APAF1: variants seen among roughly 807,000 people sequenced by gnomAD.
APAF1 encodes apoptotic peptidase activating factor 1.
Under a neutral mutation model 152.4 loss-of-function variants are expected in APAF1, and 91 were observed. The ratio of observed to expected loss-of-function variants is 0.60; its 90% CI spans 0.50 to 0.71. The LOEUF is 0.71. APAF1 is among the 30% of genes least tolerant of loss of function. APAF1 has a pLI of 0.00. For synonymous variants in APAF1, 484 were observed against 494.1 expected (o/e 0.98, Z 0.27); for missense variants, 1,283 against 1,472.0 (o/e 0.87, Z 2.10).
intron 7 of APAF1, among the ~76,000 whole-genome samples, chr12:98,664,296 C>T (rs1048044889): frequency 7.2e-5 from 11 of 152,216 alleles, no homozygotes; most frequent in East Asian, 3.9e-4. Flanking sequence ...GGATTACAGG[C>T]GTGAGCCACC....
intron 23 of APAF1, 83 bp downstream of exon 23, chr12:98,723,395 A>G: frequency 6.9e-7 from 1 of 1,456,552 alleles, no homozygotes; most frequent in Non-Finnish European, 9.5e-7. Context: ...AGCCACTGTG[A>G]GGCTAATTAC....
intron 1 of APAF1, 73 bp from the exon 2 acceptor site, chr12:98,648,246 T>G: frequency 1.5e-6 from 2 of 1,341,344 alleles, no homozygotes; most frequent in Non-Finnish European, 2.1e-6. Flanking sequence ...TTACGTTTCT[T>G]GTTTATTAGT....
At chr12:98,719,233 ATTC>A (rs1404433969) in intron 22 of APAF1, among the ~76,000 whole-genome samples, 8 of 152,208 alleles carry the variant, frequency 5.3e-5, no homozygotes, top group Admixed American at 5.2e-4. Flanking sequence ...CTGCCTCCTA[ATTC>A]TTAATACTTA....
At chr12:98,662,623 A>G in intron 6 of APAF1, 52 bp from the exon 7 acceptor site, 5 of 1,606,808 alleles carry the variant, frequency 3.1e-6, no homozygotes, top group Non-Finnish European at 4.3e-6. Context: ...AATTACATTT[A>G]AATATGTGAC....
At chr12:98,684,786 C>T (rs2097696253) in intron 15 of APAF1, among the ~76,000 whole-genome samples, 1 of 151,956 alleles carries the variant, frequency 6.6e-6, no homozygotes, top group Non-Finnish European at 1.5e-5. Context: ...TTTGATGTTG[C>T]TTTTGGCATT....
chr12:98,670,894 A>G lies in APAF1; in HGVS notation c.1495-79A>G, dbSNP rs1004410658. ...CTAGATATTTACTGTTTCTCTTAGCAGTGTGAGGTTAATGATGTTATACCT... is the reference window on the plus strand; with the variant it reads ...CTAGATATTTACTGTTTCTCTTAGCGGTGTGAGGTTAATGATGTTATACCT... On this transcript the variant is annotated intron_variant, in intron 10 of 26. Coordinates refer to ENST00000551964, the MANE Select transcript of APAF1 (RefSeq NM_181861.2). 4 of 789,724 alleles carry G rather than the reference A, an allele frequency of 5.1e-6. No homozygotes were observed. The African/African-American group carries it at 6.8e-5, about 13-fold the overall frequency. The allele number at this position is 789,724 out of a possible 1,614,324, so 48.9% of individuals were successfully genotyped here.
intron 17 of APAF1, among the ~76,000 whole-genome samples, chr12:98,701,607 A>G (rs1246588535): frequency 2.6e-5 from 4 of 152,220 alleles, no homozygotes; most frequent in Non-Finnish European, 5.9e-5. Flanking sequence ...ATGATGTTGA[A>G]CAAAAGATAA....
intron 20 of APAF1, among the ~76,000 whole-genome samples, chr12:98,711,540 C>T (rs2097727938): frequency 6.6e-6 from 1 of 152,144 alleles, no homozygotes; most frequent in Admixed American, 6.5e-5. Context: ...GATTGGTTGA[C>T]TCTGTAATCT....
chr12:98,683,886 G>T (rs1388844573), intron 15 of APAF1, among the ~76,000 whole-genome samples: 1 of 152,184 alleles, frequency 6.6e-6, no homozygotes, highest in Admixed American at 6.5e-5. Context: ...AAAGGTGCTG[G>T]TAGGAAAGAT....
At chr12:98,699,327 G>A (rs1401648498) in intron 16 of APAF1, 81 bp from the exon 17 acceptor site, 1 of 1,360,408 alleles carries the variant, frequency 7.4e-7, no homozygotes, top group Non-Finnish European at 1.0e-6. Context: ...AAGTTTATGT[G>A]GCATTTAATT....
chr12:98,717,290 A>C (rs536109059), intron 22 of APAF1, among the ~76,000 whole-genome samples: 12 of 151,928 alleles, frequency 7.9e-5, no homozygotes, highest in African/African-American at 2.9e-4. Flanking sequence ...AGAATATTTT[A>C]TCTCTCTGAG....
At chr12:98,653,817 G>C (rs1311573673) in intron 4 of APAF1, among the ~76,000 whole-genome samples, 1 of 147,352 alleles carries the variant, frequency 6.8e-6, no homozygotes, top group East Asian at 2.0e-4. Context: ...TAGGGAAATA[G>C]TAAAGAATTG....
chr12:98,699,507 A>G lies in APAF1; in HGVS notation c.2404A>G (p.Lys802Glu). 4 of 1,614,204 alleles carry G rather than the reference A, an allele frequency of 2.5e-6. No homozygotes were observed. Among genetic ancestry groups the G allele is most frequent in the Non-Finnish European group, 2.5e-6 (3 of 1,180,030 alleles). Residue 802 changes from lysine (K) to glutamate (E), a missense_variant, in exon 17 of 27, where the codon AAG becomes GAG. By Grantham distance (56) the Lys-to-Glu change is moderately conservative (BLOSUM62 1). Coordinates refer to ENST00000551964, the MANE Select transcript of APAF1 (RefSeq NM_181861.2). ...DPQEDMEVIVKCCSWSADGAR... is the reference protein window; with the variant it reads ...DPQEDMEVIVECCSWSADGAR... ...TCAAGAGGATATGGAAGTGATAGTG[A>G]AGTGTTGTTCGTGGTCTGCTGATGG... is the stretch of plus-strand genomic sequence containing the variant.
chr12:98,648,867 TTG>T (rs1333916013), intron 3 of APAF1, 52 bp downstream of exon 3: 1 of 1,520,776 alleles, frequency 6.6e-7, no homozygotes, highest in Non-Finnish European at 9.1e-7. Flanking sequence ...TGCTTTGGGT[TTG>T]TCTTATTGTA....
intron 13 of APAF1, among the ~76,000 whole-genome samples, 162 bp from the exon 14 acceptor site, chr12:98,680,115 A>G (rs933506185): frequency 2.0e-5 from 3 of 152,268 alleles, no homozygotes; most frequent in Admixed American, 2.0e-4. Context: ...ATGTGAAGGC[A>G]TACACATTCT....
intron 4 of APAF1, among the ~76,000 whole-genome samples, chr12:98,658,702 G>A (rs907798392): frequency 6.6e-5 from 10 of 152,170 alleles, no homozygotes; most frequent in African/African-American, 2.4e-4. Context: ...GACAATGTTT[G>A]GAGACATTTT....
rs749988551 is a variant in APAF1 at position 98,725,504 on chromosome 12, C to T, written c.3420C>T (p.Thr1140=). The change falls in exon 25 of 27, where the codon ACC becomes ACT. Residue 1140 remains threonine, a synonymous_variant. Coordinates refer to ENST00000551964, the MANE Select transcript of APAF1 (RefSeq NM_181861.2). ...GCTCTGCCTTCTCTGTGGACAGTAC[C>T]CTGCTGGCAACGGGAGATGACAATG... The part of the protein sequence containing the change: ...VRCSAFSVDS[T]LLATGDDNGE... 2 of 1,614,128 alleles carry T rather than the reference C, an allele frequency of 1.2e-6. No homozygotes were observed. Among genetic ancestry groups the T allele is most frequent in the Admixed American group, 3.3e-5 (2 of 60,028 alleles).
intron 16 of APAF1, among the ~76,000 whole-genome samples, chr12:98,687,211 A>G (rs2153327050): frequency 6.6e-6 from 1 of 152,216 alleles, no homozygotes; most frequent in Admixed American, 6.5e-5. Flanking sequence ...AAAAATACAA[A>G]AATTAGCTGG....
At chr12:98,713,651 C>T (rs1486714143) in intron 21 of APAF1, among the ~76,000 whole-genome samples, 3 of 152,218 alleles carry the variant, frequency 2.0e-5, no homozygotes, top group East Asian at 1.9e-4. Flanking sequence ...CCCAAAAGCA[C>T]ATTTTCTCTA....
Sources: gnomAD v4.1 joint callset for allele counts (sites outside exome capture counted in the v4.1 genomes callset) on GRCh38, gnomAD v4.1.1 for gene constraint, MANE v1.5 for transcripts, NCBI Gene and HGNC (gene_info 2026-07-23, HGNC 2026-07-21) for gene names.